SNX30: variants seen among roughly 807,000 people sequenced by gnomAD.
SNX30 encodes sorting nexin-30.
In SNX30, 24 loss-of-function variants were observed where a neutral mutation model predicts 46.4. The observed-to-expected ratio is 0.52, with a 90% CI of 0.37 to 0.73. The LOEUF (loss-of-function observed/expected upper bound fraction) is 0.73. Ranked by LOEUF, SNX30 falls within the 30% of genes least tolerant of loss-of-function variation. The pLI is 0.00. For synonymous variants in SNX30, 189 were observed against 211.5 expected (o/e 0.89, Z 0.92); for missense variants, 533 against 555.7 (o/e 0.96, Z 0.41).
At chr9:112,817,904 T>C in intron 3 of SNX30, 89 bp downstream of exon 3, 1 of 820,414 alleles carries the variant, frequency 1.2e-6, no homozygotes, top group Non-Finnish European at 2.1e-6. Context: ...CCTTAAGTTA[T>C]ACAGACTCAC....
intron 1 of SNX30, among the ~76,000 whole-genome samples, chr9:112,753,701 T>C (rs1472731348): frequency 6.6e-6 from 1 of 152,216 alleles, no homozygotes; most frequent in East Asian, 1.9e-4. Context: ...GAATATTTAA[T>C]GAATCTCCTA....
At chr9:112,757,395 C>T (rs2796033) in intron 1 of SNX30, among the ~76,000 whole-genome samples, 87,990 of 152,030 alleles carry the variant, frequency 0.58, 25,709 homozygotes, top group South Asian at 0.73. Context: ...TCTATCTGTT[C>T]GTCCATTGAG....
At chr9:112,863,137 G>C (rs886985316) in intron 7 of SNX30, among the ~76,000 whole-genome samples, 27 of 152,288 alleles carry the variant, frequency 1.8e-4, no homozygotes, top group African/African-American at 5.5e-4. Flanking sequence ...GCTCCCTCAG[G>C]CCTGTCTTTC....
At chr9:112,752,853 C>T (rs946641192) in intron 1 of SNX30, among the ~76,000 whole-genome samples, 1 of 152,192 alleles carries the variant, frequency 6.6e-6, no homozygotes, top group East Asian at 1.9e-4. Context: ...GCTTGGGCTG[C>T]AGTCATCTGA....
chr9:112,773,929 T>A (rs994898754), intron 1 of SNX30, among the ~76,000 whole-genome samples: 1 of 152,246 alleles, frequency 6.6e-6, no homozygotes, highest in Non-Finnish European at 1.5e-5. Flanking sequence ...AAATTACTCT[T>A]GGCTCATTCA....
intron 3 of SNX30, among the ~76,000 whole-genome samples, chr9:112,820,043 G>A (rs917437058): frequency 6.6e-6 from 1 of 152,190 alleles, no homozygotes; most frequent in Non-Finnish European, 1.5e-5. Flanking sequence ...GTTGATACTG[G>A]AAGCGCAAAG....
At chr9:112,865,661 A>ATATATATATGTGTGTGTGTGTGTG in intron 8 of SNX30, among the ~76,000 whole-genome samples, 1 of 105,684 alleles carries the variant, frequency 9.5e-6, no homozygotes, top group African/African-American at 3.8e-5. Context: ...ATATATATAT[A>ATATATATATGTGTGTGTGTGTGTG]TGTATGTATG....
intron 1 of SNX30, among the ~76,000 whole-genome samples, chr9:112,753,054 G>T (rs573992164): frequency 2.6e-5 from 4 of 152,200 alleles, no homozygotes; most frequent in Non-Finnish European, 5.9e-5. Flanking sequence ...GCTGTATTCT[G>T]TTGGTCACAC....
chr9:112,807,079 T>G (rs1484541744), intron 2 of SNX30, among the ~76,000 whole-genome samples: 2 of 45,230 alleles, frequency 4.4e-5, no homozygotes, highest in East Asian at 8.0e-4. Flanking sequence ...TTTTTTTTTT[T>G]TTTGAGACAG....
In SNX30 at chr9:112,837,025, G is replaced by T. The variant is rs559459857; in HGVS notation, c.814+616G>T. 4.6e-5 allele frequency among the ~76,000 whole-genome samples: 7 copies of T among 152,234 alleles called. No individual in the cohort carries two copies. In the South Asian group the frequency reaches 1.5e-3, roughly 32 times the overall value. On this transcript the variant is annotated intron_variant, in intron 5 of 8. Transcript: ENST00000374232. ...TGGGATCTTTTATCTCCTTACATATGCATGGGGCGGACAGACGTGAGCAGT... is the reference window on the plus strand; with the variant it reads ...TGGGATCTTTTATCTCCTTACATATTCATGGGGCGGACAGACGTGAGCAGT...
At chr9:112,864,499 C>T (rs1226268371) in intron 8 of SNX30, 100 bp downstream of exon 8, 5 of 1,482,598 alleles carry the variant, frequency 3.4e-6, no homozygotes, top group East Asian at 2.3e-5. Flanking sequence ...GTCTCATCTC[C>T]TTCCCTTATT....
At chr9:112,846,588 C>T (rs776570506) in intron 6 of SNX30, among the ~76,000 whole-genome samples, 2 of 152,144 alleles carry the variant, frequency 1.3e-5, no homozygotes, top group Non-Finnish European at 2.9e-5. Context: ...GGGCTACGTG[C>T]GTATTTTATT....
downstream of SNX30, among the ~76,000 whole-genome samples, chr9:112,883,071 C>G (rs761434041): frequency 6.6e-6 from 1 of 152,172 alleles, no homozygotes; most frequent in Non-Finnish European, 1.5e-5. Flanking sequence ...AGCAGGTCAA[C>G]GGATGCAGCT....
chr9:112,826,088 C>T (rs575574287), intron 3 of SNX30, among the ~76,000 whole-genome samples: 7 of 152,304 alleles, frequency 4.6e-5, no homozygotes, highest in Admixed American at 2.6e-4. Context: ...TTAAATGAGG[C>T]ACTCCTAACC....
At chr9:112,780,594 A>G (rs1455794724) in intron 1 of SNX30, among the ~76,000 whole-genome samples, 1 of 152,108 alleles carries the variant, frequency 6.6e-6, no homozygotes, top group Non-Finnish European at 1.5e-5. Flanking sequence ...TGCTTTCTCT[A>G]TGTGGGCTCC....
Position 112,836,316 on chromosome 9 carries a change from G to C in SNX30, c.721G>C (p.Glu241Gln). 1 of 1,613,582 alleles carries C rather than the reference G, an allele frequency of 6.2e-7. No individual in the cohort carries two copies. Among genetic ancestry groups the C allele is most frequent in the Non-Finnish European group, 8.5e-7 (1 of 1,179,490 alleles). Residue 241 changes from glutamate (E) to glutamine (Q), a missense_variant, in exon 5 of 9, where the codon GAG (glutamate) becomes CAG (glutamine). Physicochemically the swap from Glu to Gln is conservative, Grantham distance 29. Transcript: ENST00000374232. ...GGYKLRTRPLEFAAIGDYLDT... is the reference protein window; with the variant it reads ...GGYKLRTRPLQFAAIGDYLDT... ...CTACAAGCTGAGGACTCGGCCGCTT[G>C]AGTTTGCTGCCATAGGTGACTACTT...
intron 8 of SNX30, among the ~76,000 whole-genome samples, chr9:112,865,659 A>ATGTGTGTGTGTGTG (rs1473545725): frequency 1.3e-5 from 1 of 79,698 alleles, no homozygotes; most frequent in African/African-American, 5.3e-5. Flanking sequence ...ATATATATAT[A>ATGTGTGTGTGTGTG]TATGTATGTA....
chr9:112,798,123 T>C (rs1321851134), intron 1 of SNX30, among the ~76,000 whole-genome samples: 146 of 4,242 alleles, frequency 0.034, no homozygotes, highest in South Asian at 0.056. Context: ...TTTTTTTTCT[T>C]TTTTTTTTTT....
At chr9:112,848,350 A>G (rs906160252) in intron 6 of SNX30, among the ~76,000 whole-genome samples, 4 of 152,120 alleles carry the variant, frequency 2.6e-5, no homozygotes, top group Non-Finnish European at 4.4e-5. Flanking sequence ...CCATCCTCTC[A>G]GAACATCACC....
Sources: gnomAD v4.1 joint callset for allele counts (sites outside exome capture counted in the v4.1 genomes callset) on GRCh38, gnomAD v4.1.1 for gene constraint, MANE v1.5 for transcripts, NCBI Gene and HGNC (gene_info 2026-07-23, HGNC 2026-07-21) for gene names.